RYR2: variants seen among roughly 807,000 people sequenced by gnomAD.
RYR2 encodes ryanodine receptor 2.
A neutral mutation model predicts 601.1 loss-of-function variants in RYR2; 227 were observed. The ratio of observed to expected loss-of-function variants is 0.38; its 90% CI spans 0.34 to 0.42. The LOEUF (loss-of-function observed/expected upper bound fraction) is 0.42, where lower values mean the gene tolerates loss of function less well. Among genes scored for constraint, RYR2 ranks in the 10% least tolerant of loss-of-function variants. The probability of loss-of-function intolerance (pLI) is 1.00; values close to 1 mark genes in which losing one functional copy is unlikely to be tolerated. For synonymous variants in RYR2, 2,223 were observed against 2,175.1 expected, an observed-to-expected ratio of 1.02 and a Z score of -0.61; for missense variants, 4,646 against 6,156.5, an observed-to-expected ratio of 0.75 and a Z score of 8.21.
At chr1:237,333,938 C>A (rs371817040) in intron 3 of RYR2, among the ~76,000 whole-genome samples, 4 of 152,174 alleles carry the variant, frequency 2.6e-5, no homozygotes, top group African/African-American at 9.7e-5. Flanking sequence ...TGATTCCCAA[C>A]TCTTTCATAA....
At chr1:237,669,384 C>T (rs1264750626) in intron 58 of RYR2, among the ~76,000 whole-genome samples, 5 of 152,126 alleles carry the variant, frequency 3.3e-5, no homozygotes, top group African/African-American at 1.2e-4. Flanking sequence ...TCTCAATGAG[C>T]TGTTGGGTAC....
rs569571855 is a variant in RYR2, at chr1:237,732,156, T to C, written c.11039+7T>C. 9.5e-6 allele frequency: 15 copies of C among 1,572,462 alleles called. No homozygotes were observed. The East Asian group carries it at 2.9e-4, about 31-fold the overall frequency. Reference sequence around the variant, plus strand: ...CAGCTTTAACAGAGAAATGGTATGGTTGGGAGGGTTCCTATGAGACATAGG... The same window carrying C: ...CAGCTTTAACAGAGAAATGGTATGGCTGGGAGGGTTCCTATGAGACATAGG... On this transcript the variant is annotated splice_region_variant and intron_variant, in intron 78 of 104. Coordinates refer to ENST00000366574, the MANE Select transcript of RYR2 (RefSeq NM_001035.3).
chr1:237,329,097 G>A (rs1473782009), intron 2 of RYR2, among the ~76,000 whole-genome samples: 1 of 151,800 alleles, frequency 6.6e-6, no homozygotes, highest in East Asian at 1.9e-4. Flanking sequence ...ATGATTTATT[G>A]GAAAACATTT....
chr1:237,110,674 C>T (rs1669370350), intron 1 of RYR2, among the ~76,000 whole-genome samples: 1 of 152,156 alleles, frequency 6.6e-6, no homozygotes, highest in Non-Finnish European at 1.5e-5. Context: ...CAGGTAGGGG[C>T]ACACCTGCTA....
chr1:237,150,180 T>C (rs145708280), intron 1 of RYR2, among the ~76,000 whole-genome samples: 77 of 152,352 alleles, frequency 5.1e-4, no homozygotes, highest in African/African-American at 1.9e-3. Context: ...CGCAAGGACA[T>C]GCAAGTGTAT....
chr1:237,345,958 A>G (rs1325500313), intron 3 of RYR2, among the ~76,000 whole-genome samples: 1 of 152,120 alleles, frequency 6.6e-6, no homozygotes, highest in Non-Finnish European at 1.5e-5. Context: ...GACTTACTGT[A>G]TTATTTACTT....
chr1:237,550,479 G>T, intron 26 of RYR2, 65 bp from the exon 27 acceptor site: 1 of 1,545,066 alleles, frequency 6.5e-7, no homozygotes, highest in East Asian at 2.3e-5. Flanking sequence ...GATGTATTTG[G>T]TAGCTACTTA....
chr1:237,695,088 T>C (rs1395514245), intron 63 of RYR2, among the ~76,000 whole-genome samples: 2 of 152,198 alleles, frequency 1.3e-5, no homozygotes, highest in Non-Finnish European at 2.9e-5. Flanking sequence ...TGGCATATGA[T>C]ATGTCAAATT....
intron 1 of RYR2, among the ~76,000 whole-genome samples, chr1:237,204,403 T>C (rs1159924719): frequency 6.6e-6 from 1 of 152,128 alleles, no homozygotes; most frequent in African/African-American, 2.4e-5. Flanking sequence ...TTGAATATAC[T>C]AGAATTTATT....
rs551551912 is a variant in RYR2 at position 237,276,521 on chromosome 1, G to T, written c.168+5905G>T. On this transcript the variant is annotated intron_variant, in intron 2 of 104. Coordinates refer to ENST00000366574, the MANE Select transcript of RYR2 (RefSeq NM_001035.3). ...AAATGGTATTAATAAAGATAAGAAA[G>T]AAATTGCTGAGTTAATTCTGAAAAT... 3.3e-5 allele frequency among the ~76,000 whole-genome samples: 5 copies of T among 152,212 alleles called. No homozygotes were observed. In the South Asian group the frequency reaches 6.2e-4, roughly 19 times the overall value.
At chr1:237,460,837 T>C (rs1202652853) in intron 16 of RYR2, among the ~76,000 whole-genome samples, 1 of 152,218 alleles carries the variant, frequency 6.6e-6, no homozygotes, top group Non-Finnish European at 1.5e-5. Context: ...TTGGGTGGCT[T>C]AAATGTTATA....
At chr1:237,070,944 CA>C (rs772713229) in intron 1 of RYR2, among the ~76,000 whole-genome samples, 5 of 152,250 alleles carry the variant, frequency 3.3e-5, no homozygotes, top group Non-Finnish European at 7.3e-5. Flanking sequence ...AGGGAGCCCC[CA>C]AGGGCCACTG....
chr1:237,707,084 T>C lies in RYR2; in HGVS notation c.9716T>C (p.Leu3239Pro). 6.2e-7 allele frequency: 1 copy of C among 1,613,984 alleles called. No homozygotes were observed. The highest frequency in any genetic ancestry group is 2.2e-5 in the East Asian group (1 of 44,876). Residue 3239 changes from leucine to proline, a missense_variant, in exon 68 of 105, where the codon CTG (leucine) becomes CCG (proline). Leu to Pro is a moderately conservative substitution (Grantham distance 98). Around this residue, in one of 17 missense-constraint regions of RYR2, gnomAD observed 1,497 missense variants for 1,842.6 expected, o/e 0.81. Coordinates refer to ENST00000366574, the MANE Select transcript of RYR2 (RefSeq NM_001035.3). The part of the protein sequence containing the change: ...TQMPHVMEVI[L>P]PMLCSYMSRW... ...ATGCCACATGTCATGGAAGTCATAC[T>C]GCCCATGCTTTGCAGCTACATGTCT...
intron 1 of RYR2, among the ~76,000 whole-genome samples, chr1:237,088,805 G>T (rs971813398): frequency 6.6e-6 from 1 of 152,184 alleles, no homozygotes; most frequent in Non-Finnish European, 1.5e-5. Context: ...AGGTTAAGTT[G>T]TCATGTGAAG....
rs1327676502 is a variant in RYR2 at position 237,703,543 on chromosome 1, GT to G, written c.9449+1488del. Among the ~76,000 whole-genome samples the G allele has an allele frequency of 8.8e-5, 13 of 148,220 alleles. No individual in the cohort carries two copies. The East Asian group carries it at 2.6e-3, about 29-fold the overall frequency. On this transcript the variant is annotated intron_variant, in intron 66 of 104. Transcript: ENST00000366574. ...TTGCCTATTTCTCCTGTTTTTGTGA[GT>G]TTTACCATTTTTTACCTTTATATAT...
chr1:237,332,782 A>G (rs1696875703), intron 3 of RYR2, among the ~76,000 whole-genome samples: 1 of 152,210 alleles, frequency 6.6e-6, no homozygotes, highest in Non-Finnish European at 1.5e-5. Flanking sequence ...TCTTCAAATC[A>G]TGAGGTTGGG....
intron 3 of RYR2, among the ~76,000 whole-genome samples, chr1:237,345,444 A>G (rs1260674337): frequency 6.6e-6 from 1 of 151,506 alleles, no homozygotes; most frequent in Admixed American, 6.6e-5. Flanking sequence ...TGAAAGAGAG[A>G]GACTCTGCCA....
chr1:237,299,209 C>T (rs1693112688), intron 2 of RYR2, among the ~76,000 whole-genome samples: 1 of 148,120 alleles, frequency 6.8e-6, no homozygotes, highest in Admixed American at 6.8e-5. Context: ...CGCTTAAATC[C>T]TTAAAATGCT....
At position 237,674,130 on chromosome 1, in the gene RYR2, T is replaced by C. The variant is rs1179101780; in HGVS notation, c.8625T>C (p.Asp2875=). 2 of 1,612,184 alleles carry C rather than the reference T, an allele frequency of 1.2e-6. No homozygotes were observed. Among genetic ancestry groups the C allele is most frequent in the South Asian group, 2.2e-5 (2 of 91,042 alleles). The change falls in exon 59 of 105, where the codon GAT becomes GAC. Residue 2875 remains aspartate, a synonymous_variant. Transcript: ENST00000366574. ...ACCATCCTCTGCTGGTGCCCTATGATACACTGACAGCCAAAGAGAAAGCCA... is the reference window on the plus strand; with the variant it reads ...ACCATCCTCTGCTGGTGCCCTATGACACACTGACAGCCAAAGAGAAAGCCA... ...GGNHPLLVPY[D]TLTAKEKAKD... is the part of the protein sequence containing the mutation.
Sources: allele counts gnomAD v4.1 joint callset (sites outside exome capture counted in the v4.1 genomes callset), GRCh38; gene constraint gnomAD v4.1.1; regional missense constraint gnomAD v4.1.1; transcripts MANE v1.5; gene names NCBI Gene and HGNC (gene_info 2026-07-23, HGNC 2026-07-21).